The following SDK1 variants were observed in gnomAD, a reference collection of about 807,000 sequenced individuals.
SDK1 encodes the protein sidekick cell adhesion molecule 1, also known as protein sidekick-1.
SDK1 carries 157 observed loss-of-function variants against 245.5 expected under a neutral mutation model. The observed-to-expected ratio is 0.64, with a 90% CI of 0.56 to 0.73. The LOEUF (loss-of-function observed/expected upper bound fraction) is 0.73. Ranked by LOEUF, SDK1 falls within the 30% of genes least tolerant of loss-of-function variation. The pLI is 0.00. For synonymous variants in SDK1, 1,647 were observed against 1,278.5 expected (o/e 1.29, Z -6.15); for missense variants, 3,583 against 3,002.3 (o/e 1.19, Z -4.52).
At chr7:3,531,822 C>G (rs1275001407) in intron 1 of SDK1, among the ~76,000 whole-genome samples, 1 of 152,092 alleles carries the variant, frequency 6.6e-6, no homozygotes, top group African/African-American at 2.4e-5. Flanking sequence ...TTTAAATATA[C>G]AAAGAGTTCA....
intron 4 of SDK1, among the ~76,000 whole-genome samples, chr7:3,806,560 G>T (rs2115041671): frequency 6.6e-6 from 1 of 152,310 alleles, no homozygotes; most frequent in Middle Eastern, 3.4e-3. Context: ...GTGGCCTTTG[G>T]TCCTTTGCAG....
intron 1 of SDK1, among the ~76,000 whole-genome samples, chr7:3,308,621 C>T (rs1779476905): frequency 6.6e-6 from 1 of 151,996 alleles, no homozygotes; most frequent in African/African-American, 2.4e-5. Context: ...ATAGTTTCTG[C>T]AGTGTTTTTG....
Position 3,533,308 on chromosome 7 carries a change from T to A in SDK1, c.299-85772T>A, listed in dbSNP as rs78651073. On this transcript the variant is annotated intron_variant, in intron 1 of 44. Coordinates refer to ENST00000404826, the MANE Select transcript of SDK1 (RefSeq NM_152744.4). ...GCTGAAGGATGTGAGCTCTACTAAG[T>A]GAATTGAAAAGTTGGATAAAAAGAC... Among the ~76,000 whole-genome samples, 625 of 152,194 alleles carry A rather than the reference T, an allele frequency of 4.1e-3. 5 individuals carry two copies. Among genetic ancestry groups the A allele is most frequent in the African/African-American group, 0.014 (586 of 41,520 alleles).
intron 4 of SDK1, among the ~76,000 whole-genome samples, chr7:3,742,124 A>G (rs550690289): frequency 2.5e-4 from 38 of 150,038 alleles, no homozygotes; most frequent in African/African-American, 8.2e-4. Flanking sequence ...GTTGTATTAA[A>G]TTCTCTGTTC....
At chr7:3,535,081 C>A (rs2128618889) in intron 1 of SDK1, among the ~76,000 whole-genome samples, 1 of 152,234 alleles carries the variant, frequency 6.6e-6, no homozygotes. Flanking sequence ...CGAGACCAGC[C>A]TGGCCAACAT....
chr7:3,501,660 A>G (rs538600255), intron 1 of SDK1, among the ~76,000 whole-genome samples: 1 of 152,302 alleles, frequency 6.6e-6, no homozygotes, highest in South Asian at 2.1e-4. Flanking sequence ...GTACTTTTCC[A>G]GTTGATTATA....
intron 1 of SDK1, among the ~76,000 whole-genome samples, chr7:3,545,817 TTGAAATC>T (rs1399633501): frequency 6.6e-6 from 1 of 152,210 alleles, no homozygotes; most frequent in Non-Finnish European, 1.5e-5. Flanking sequence ...AAATAGTACT[TTGAAATC>T]TGAAAAGTGA....
chr7:3,436,275 A>ATT (rs1402509620), intron 1 of SDK1, among the ~76,000 whole-genome samples: 1 of 152,104 alleles, frequency 6.6e-6, no homozygotes, highest in Non-Finnish European at 1.5e-5. Flanking sequence ...TTTAGATAGG[A>ATT]TTTCTCGGTA....
At chr7:3,528,034 TAGTC>T (rs1281396655) in intron 1 of SDK1, among the ~76,000 whole-genome samples, 33 of 143,434 alleles carry the variant, frequency 2.3e-4, no homozygotes, top group Non-Finnish European at 3.8e-4. Flanking sequence ...TGTTGGATGA[TAGTC>T]AGCTAGGGGT....
At chr7:3,869,076 T>C (rs1210681316) in intron 5 of SDK1, among the ~76,000 whole-genome samples, 2 of 152,032 alleles carry the variant, frequency 1.3e-5, no homozygotes, top group African/African-American at 2.4e-5. Flanking sequence ...CAAAGCGTTG[T>C]CAATTGAAGA....
intron 17 of SDK1, among the ~76,000 whole-genome samples, chr7:4,021,320 C>T (rs997985476): frequency 6.6e-6 from 1 of 152,162 alleles, no homozygotes; most frequent in African/African-American, 2.4e-5. Flanking sequence ...CCTCAGTCAG[C>T]ACCCAGAGGA....
chr7:3,967,772 C>T (rs144108904), intron 10 of SDK1, among the ~76,000 whole-genome samples: 6 of 152,270 alleles, frequency 3.9e-5, no homozygotes, highest in South Asian at 2.1e-4. Context: ...ATGCTGCTGC[C>T]GAGCTGACAG....
chr7:4,184,768 C>A lies in SDK1; in HGVS notation c.5098+6182C>A, dbSNP rs113885674. The stretch of plus-strand genomic sequence containing the variant: ...GGAGGTAGGACCCAACGCCAACAAG[C>A]TTAAGCTGAAAGAATCATTATTAAC... On this transcript the variant is annotated intron_variant, in intron 35 of 44. Coordinates refer to ENST00000404826, the MANE Select transcript of SDK1 (RefSeq NM_152744.4). 1.4e-4 allele frequency among the ~76,000 whole-genome samples: 22 copies of A among 152,342 alleles called. 1 individual carries two copies. The highest frequency in any genetic ancestry group is 4.8e-4 in the African/African-American group (20 of 41,580).
At chr7:4,128,275 T>C (rs896806666) in intron 26 of SDK1, among the ~76,000 whole-genome samples, 7 of 152,176 alleles carry the variant, frequency 4.6e-5, no homozygotes, top group Non-Finnish European at 7.3e-5. Flanking sequence ...TATTCTTTGT[T>C]TTCCCCGCCT....
At chr7:3,467,365 T>C (rs1562503773) in intron 1 of SDK1, among the ~76,000 whole-genome samples, 1 of 152,064 alleles carries the variant, frequency 6.6e-6, no homozygotes, top group Non-Finnish European at 1.5e-5. Context: ...CTCATGAACA[T>C]TAAAGAATTG....
At chr7:4,065,633 A>C (rs1211495447) in intron 19 of SDK1, among the ~76,000 whole-genome samples, 1 of 148,792 alleles carries the variant, frequency 6.7e-6, no homozygotes, top group Non-Finnish European at 1.5e-5. Context: ...GAAATTTATC[A>C]GAGCATTTGA....
rs934450769 is a variant in SDK1, at chr7:4,021,031, C to A, written c.2602+3679C>A. On this transcript the variant is annotated intron_variant, in intron 17 of 44. Transcript: ENST00000404826. The stretch of plus-strand genomic sequence containing the variant: ...TAGGGGCCATTACACTGGAAGAGAT[C>A]TGGGGGTCATCTCCCTACTGACAGT... Among the ~76,000 whole-genome samples, 10 of 152,252 alleles carry A rather than the reference C, an allele frequency of 6.6e-5. No homozygotes were observed. The East Asian group carries it at 1.9e-3, about 29-fold the overall frequency.
chr7:3,579,814 A>G (rs974036140), intron 1 of SDK1, among the ~76,000 whole-genome samples: 2 of 152,222 alleles, frequency 1.3e-5, no homozygotes, highest in Non-Finnish European at 2.9e-5. Context: ...AAGTCAAAGT[A>G]TCCTTTGTTT....
At chr7:3,962,196 G>A (rs1452567861) in intron 8 of SDK1, among the ~76,000 whole-genome samples, 2 of 152,230 alleles carry the variant, frequency 1.3e-5, no homozygotes, top group African/African-American at 4.8e-5. Context: ...GACAGGTAAT[G>A]TATTCTGCCC....
Sources: gnomAD v4.1 joint callset for allele counts (sites outside exome capture counted in the v4.1 genomes callset) on GRCh38, gnomAD v4.1.1 for gene constraint, MANE v1.5 for transcripts, NCBI Gene and HGNC (gene_info 2026-07-23, HGNC 2026-07-21) for gene names.